The following FCHO1 variants were observed in gnomAD, a reference collection of about 807,000 sequenced individuals.
The protein encoded by FCHO1 is F-BAR domain only protein 1.
Under a neutral mutation model 114.4 loss-of-function variants are expected in FCHO1, and 45 were observed. The observed-to-expected ratio is 0.39, with a 90% CI of 0.31 to 0.50. The LOEUF (loss-of-function observed/expected upper bound fraction) is 0.50. FCHO1 is among the 20% of genes least tolerant of loss of function. The pLI is 0.77. For missense variants in FCHO1, 1,042 were observed against 1,209.6 expected, an observed-to-expected ratio of 0.86 and a Z score of 2.06; for synonymous variants, 480 against 488.9, an observed-to-expected ratio of 0.98 and a Z score of 0.24.
intron 19 of FCHO1, 118 bp downstream of exon 19, chr19:17,778,346 G>C: frequency 1.1e-6 from 1 of 889,938 alleles, no homozygotes; most frequent in South Asian, 1.4e-5. Context: ...GGACTAGTCC[G>C]TGTAGGGGTG....
chr19:17,757,583 G>T (rs1343632728), intron 4 of FCHO1, among the ~76,000 whole-genome samples: 1 of 152,170 alleles, frequency 6.6e-6, no homozygotes, highest in Non-Finnish European at 1.5e-5. Context: ...TAAGGAGATT[G>T]GACACTTGAA....
chr19:17,752,571 A>G (rs953424881), intron 1 of FCHO1, among the ~76,000 whole-genome samples: 1 of 151,570 alleles, frequency 6.6e-6, no homozygotes, highest in Non-Finnish European at 1.5e-5. Flanking sequence ...ATTGTATTTA[A>G]TTTTACTTGG....
In FCHO1 at chr19:17,764,436, G is replaced by A. The variant is rs771736285; in HGVS notation, c.181G>A (p.Gly61Arg). 119 of 1,612,848 alleles carry A rather than the reference G, an allele frequency of 7.4e-5. 1 individual carries two copies. The highest frequency in any genetic ancestry group is 8.9e-5 in the Non-Finnish European group (105 of 1,179,554). Reference protein sequence around the residue: ...MAKLSKLASNGTPMGTFAPLW... With the variant: ...MAKLSKLASNRTPMGTFAPLW... ...GAAACTCTCCAAGCTGGCCAGCAAC[G>A]GGACCCCCATGGGGTGAGTGGGGTA... Residue 61 changes from glycine to arginine, a missense_variant, in exon 6 of 29, where the codon GGG becomes AGG. Gly to Arg is a moderately radical substitution (Grantham distance 125). Transcript: ENST00000596536.
At chr19:17,767,456 A>G (rs1296017360) in intron 7 of FCHO1, among the ~76,000 whole-genome samples, 5 of 148,578 alleles carry the variant, frequency 3.4e-5, no homozygotes, top group Non-Finnish European at 7.4e-5. Context: ...AGTCCCAGCT[A>G]CTCAGGAGGC....
rs2092506372 is a variant in FCHO1 at position 17,775,563 on chromosome 19, A to C, written c.1003+50A>C. 1.3e-6 allele frequency: 2 copies of C among 1,502,794 alleles called. No individual in the cohort carries two copies. The highest frequency in any genetic ancestry group is 2.7e-5 in the African/African-American group (2 of 72,760). 93.1% of individuals were successfully genotyped at this position (1,502,794 alleles called of 1,614,324 possible). On this transcript the variant is annotated intron_variant, in intron 15 of 28. Transcript: ENST00000596536. This position sits in a 1 kb window ranked among gnomAD's most constrained non-coding sequence, Gnocchi z 5.1. ...GCAGTTGTTGGCACAGCAAGGACAA[A>C]ATTCTCCGTAATAACCAGTCCACCT...
intron 28 of FCHO1, 137 bp downstream of exon 28, chr19:17,787,983 G>C: frequency 3.6e-6 from 4 of 1,107,460 alleles, no homozygotes; most frequent in Non-Finnish European, 5.2e-6. Context: ...GACCCCAGAT[G>C]GGGGGCACAG....
At chr19:17,780,378 G>C (rs923120339) in intron 20 of FCHO1, among the ~76,000 whole-genome samples, 1 of 152,078 alleles carries the variant, frequency 6.6e-6, no homozygotes, top group Non-Finnish European at 1.5e-5. Flanking sequence ...TGGACAGGCT[G>C]GTCTCGAACT....
At chr19:17,762,348 A>C (rs2086633723) in intron 4 of FCHO1, among the ~76,000 whole-genome samples, 1 of 150,488 alleles carries the variant, frequency 6.6e-6, no homozygotes, top group African/African-American at 2.4e-5. Flanking sequence ...TCTAAGGTTC[A>C]CGGTTTCCAT....
In FCHO1 at chr19:17,784,808, G is replaced by T; in HGVS notation, c.2310G>T (p.Val770=). 6.2e-7 allele frequency: 1 copy of T among 1,614,108 alleles called. No individual in the cohort carries two copies. Reference sequence around the variant, plus strand: ...GAGCCACCCTCACCCAGGTCTCAGTGGAGTACGGCTACCGGCCCGGTGCCA... The same window carrying T: ...GAGCCACCCTCACCCAGGTCTCAGTTGAGTACGGCTACCGGCCCGGTGCCA... ...QCGATLTQVS[V]EYGYRPGATA... is the part of the protein sequence containing the mutation. Residue 770 remains valine, a synonymous_variant, in exon 26 of 29, where the codon GTG becomes GTT. Coordinates refer to ENST00000596536, the MANE Select transcript of FCHO1 (RefSeq NM_015122.3). This position sits in a 1 kb window ranked among gnomAD's most constrained non-coding sequence, Gnocchi z 5.3.
In FCHO1 at chr19:17,775,546, T is replaced by G. The variant is rs753592658; in HGVS notation, c.1003+33T>G. On this transcript the variant is annotated intron_variant, in intron 15 of 28. Coordinates refer to ENST00000596536, the MANE Select transcript of FCHO1 (RefSeq NM_015122.3). The surrounding 1 kb of genome is among the most constrained non-coding windows in gnomAD (Gnocchi z 5.1). Reference sequence around the variant, plus strand: ...TCTGGCACCCCCTGGGGGCAGTTGTTGGCACAGCAAGGACAAAATTCTCCG... The same window carrying G: ...TCTGGCACCCCCTGGGGGCAGTTGTGGGCACAGCAAGGACAAAATTCTCCG... 29 of 1,603,964 alleles carry G rather than the reference T, an allele frequency of 1.8e-5. No homozygotes were observed. The highest frequency in any genetic ancestry group is 2.3e-5 in the Non-Finnish European group (27 of 1,171,112).
At chr19:17,752,753 AT>A (rs57861080) in intron 1 of FCHO1, among the ~76,000 whole-genome samples, 4 of 150,932 alleles carry the variant, frequency 2.7e-5, no homozygotes, top group African/African-American at 9.7e-5. Context: ...AAAAAAAAAA[AT>A]TTATTTTTAA....
In FCHO1 at chr19:17,764,450, G is replaced by A; in HGVS notation, c.194+1G>A. On this transcript the variant is annotated splice_donor_variant, in intron 6 of 28. Transcript: ENST00000596536. LOFTEE classifies it high-confidence loss of function. ...TGGCCAGCAACGGGACCCCCATGGG[G>A]TGAGTGGGGTAGGGGTCACCAACAT... 1 of 1,611,384 alleles carries A rather than the reference G, an allele frequency of 6.2e-7. No individual in the cohort carries two copies. Among genetic ancestry groups the A allele is most frequent in the Non-Finnish European group, 8.5e-7 (1 of 1,178,620 alleles).
chr19:17,778,359 C>A, intron 19 of FCHO1, 131 bp downstream of exon 19: 1 of 447,572 alleles, frequency 2.2e-6, no homozygotes, highest in African/African-American at 2.3e-5. Flanking sequence ...TAGGGGTGGG[C>A]GGGGCCAGAG....
At chr19:17,755,560 G>A (rs2083181274) in intron 4 of FCHO1, 1 of 191,272 alleles carries the variant, frequency 5.2e-6, no homozygotes, top group African/African-American at 2.4e-5. Flanking sequence ...TCCCATCCTG[G>A]AGAATTGGGG....
chr19:17,775,027 G>A lies in FCHO1; in HGVS notation c.921-29G>A. On this transcript the variant is annotated intron_variant, in intron 13 of 28. Coordinates refer to ENST00000596536, the MANE Select transcript of FCHO1 (RefSeq NM_015122.3). The surrounding 1 kb of genome is among the most constrained non-coding windows in gnomAD (Gnocchi z 5.1). The stretch of plus-strand genomic sequence containing the variant: ...GGGCACCAGATGGGCTGCGGAAGCT[G>A]ACACCAACATCTCTTCCTCCATCCC... 6.2e-7 allele frequency: 1 copy of A among 1,613,288 alleles called. No homozygotes were observed. The highest frequency in any genetic ancestry group is 8.5e-7 in the Non-Finnish European group (1 of 1,179,694).
Position 17,784,031 on chromosome 19 carries a change from G to A in FCHO1, c.2094-72G>A. Reference sequence around the variant, plus strand: ...CCAGGAAATTGCATCTTTAGGAAGGGGTAGATTGAATGCTGGGAGCCCTGG... The same window carrying A: ...CCAGGAAATTGCATCTTTAGGAAGGAGTAGATTGAATGCTGGGAGCCCTGG... On this transcript the variant is annotated intron_variant, in intron 24 of 28. Coordinates refer to ENST00000596536, the MANE Select transcript of FCHO1 (RefSeq NM_015122.3). The surrounding 1 kb of genome is among the most constrained non-coding windows in gnomAD (Gnocchi z 5.3). The A allele has an allele frequency of 2.6e-6, 4 of 1,551,878 alleles. No individual in the cohort carries two copies. The highest frequency in any genetic ancestry group is 3.5e-6 in the Non-Finnish European group (4 of 1,136,854).
At position 17,755,032 on chromosome 19, in the gene FCHO1, T is replaced by C. The variant is rs568984089; in HGVS notation, c.-47-86T>C. The C allele has an allele frequency of 9.5e-6, 8 of 841,256 alleles. No individual in the cohort carries two copies. The Admixed American group carries it at 1.4e-4, about 15-fold the overall frequency. 52.1% of individuals were successfully genotyped at this position (841,256 alleles called of 1,614,324 possible). ...CTTTCAGTTCCTCCTTCATCCTTTCTCTCCTTCCTCTACAGGGAGGGACTT... is the reference window on the plus strand; with the variant it reads ...CTTTCAGTTCCTCCTTCATCCTTTCCCTCCTTCCTCTACAGGGAGGGACTT... On this transcript the variant is annotated intron_variant, in intron 3 of 28. Coordinates refer to ENST00000596536, the MANE Select transcript of FCHO1 (RefSeq NM_015122.3).
At chr19:17,766,466 G>A (rs893186701) in intron 6 of FCHO1, 1 of 571,956 alleles carries the variant, frequency 1.7e-6, no homozygotes, top group Non-Finnish European at 3.0e-6. Flanking sequence ...AGGGGCCTTG[G>A]GAGGAGCTAT....
upstream of FCHO1, among the ~76,000 whole-genome samples, chr19:17,750,996 C>T (rs187768670): frequency 2.0e-5 from 3 of 152,178 alleles, no homozygotes; most frequent in East Asian, 5.8e-4. Flanking sequence ...CATGGGCCAC[C>T]ACGCCCAGCT....
Sources: allele counts gnomAD v4.1 joint callset (sites outside exome capture counted in the v4.1 genomes callset), GRCh38; gene constraint gnomAD v4.1.1; non-coding constraint Gnocchi (gnomAD v3.1); transcripts MANE v1.5; gene names NCBI Gene and HGNC (gene_info 2026-07-23, HGNC 2026-07-21).